NF1: variants seen among roughly 807,000 people sequenced by gnomAD.
NF1 encodes neurofibromin.
In NF1, 122 loss-of-function variants were observed where a neutral mutation model predicts 325.7. The ratio of observed to expected loss-of-function variants is 0.37; its 90% CI spans 0.32 to 0.44. NF1 has a LOEUF of 0.44. NF1 is among the 20% of genes least tolerant of loss of function. NF1 has a pLI of 1.00. For missense variants in NF1, 2,140 were observed against 3,415.4 expected, an observed-to-expected ratio of 0.63 and a Z score of 9.31; for synonymous variants, 1,091 against 1,186.0, an observed-to-expected ratio of 0.92 and a Z score of 1.65.
intron 29 of NF1, among the ~76,000 whole-genome samples, chr17:31,239,732 A>G (rs1008042139): frequency 6.6e-6 from 1 of 152,128 alleles, no homozygotes; most frequent in African/African-American, 2.4e-5. Flanking sequence ...TTCAGGGTAA[A>G]TGGGGTGTCC....
At chr17:31,257,798 T>G (rs1378176895) in intron 31 of NF1, 1 of 152,256 alleles carries the variant, frequency 6.6e-6, no homozygotes, top group East Asian at 1.9e-4. Flanking sequence ...AAGTAAGTTT[T>G]TTTTTTTCTC....
chr17:31,258,116 T>C (rs941696780), intron 31 of NF1, among the ~76,000 whole-genome samples: 17 of 152,192 alleles, frequency 1.1e-4, no homozygotes. Context: ...CCATGAGGTT[T>C]TTCTTTCCTC....
At chr17:31,304,806 T>A in intron 36 of NF1, 1 of 1,614,002 alleles carries the variant, frequency 6.2e-7, no homozygotes. Flanking sequence ...GTGAAATGAT[T>A]GATGTACGTT....
rs1045422208 is a variant in NF1, at chr17:31,373,972, A to C, written c.8378-41A>C. On this transcript the variant is annotated intron_variant, in intron 57 of 57. Transcript: ENST00000358273. ...TGACTGCAATGAAATTCAGTCCTGG[A>C]AGGAAAAGAAGAAGTAACTGGCTGT... 3.1e-6 allele frequency: 5 copies of C among 1,613,458 alleles called. No individual in the cohort carries two copies. In the African/African-American group the frequency reaches 5.3e-5, roughly 17 times the overall value.
At chr17:31,128,839 G>A (rs1448289686) in intron 1 of NF1, among the ~76,000 whole-genome samples, 1 of 151,660 alleles carries the variant, frequency 6.6e-6, no homozygotes, top group South Asian at 2.1e-4. Flanking sequence ...GGAGAATGGC[G>A]TAAGTAAACC....
chr17:31,160,538 G>C (rs1355605136), intron 3 of NF1, among the ~76,000 whole-genome samples: 1 of 152,192 alleles, frequency 6.6e-6, no homozygotes, highest in Non-Finnish European at 1.5e-5. Context: ...TATTGTTCAT[G>C]TGTAAAATGG....
At chr17:31,244,968 T>C (rs1287506906) in intron 29 of NF1, among the ~76,000 whole-genome samples, 1 of 152,222 alleles carries the variant, frequency 6.6e-6, no homozygotes, top group Non-Finnish European at 1.5e-5. Context: ...ACTTGAATAA[T>C]TGAACACAAA....
chr17:31,320,467 G>A lies in NF1; in HGVS notation c.4836-5353G>A, dbSNP rs753189630. On this transcript the variant is annotated intron_variant, in intron 36 of 57. Transcript: ENST00000358273. ...GCTAGTCAGGCTTTTGAACATCAAG[G>A]TTTTATAAGAAATGGTTGTTATATG... The A allele has an allele frequency of 2.9e-5, 46 of 1,585,948 alleles. No individual in the cohort carries two copies. The East Asian group carries it at 6.9e-4, about 24-fold the overall frequency.
intron 1 of NF1, among the ~76,000 whole-genome samples, chr17:31,145,256 G>A (rs1297926397): frequency 1.3e-5 from 2 of 152,240 alleles, no homozygotes; most frequent in African/African-American, 2.4e-5. Flanking sequence ...GCAGTGGCAC[G>A]ATCTGGGCTC....
rs1597722945 is a variant in NF1, at chr17:31,235,947, C to G, written c.3900C>G (p.Leu1300=). 1 of 1,614,026 alleles carries G rather than the reference C, an allele frequency of 6.2e-7. No individual in the cohort carries two copies. The highest frequency in any genetic ancestry group is 1.6e-4 in the Middle Eastern group (1 of 6,062). The change falls in exon 29 of 58, where the codon CTC becomes CTG. Residue 1300 remains leucine (L), a synonymous_variant. Transcript: ENST00000358273. ...KVYGATYLQK[L]LDPLLRIVIT... is the part of the protein sequence containing the mutation. ...ATGGTGCTACCTATCTACAAAAACT[C>G]CTGGATCCTTTATTACGAATTGTGA...
intron 1 of NF1, among the ~76,000 whole-genome samples, chr17:31,101,249 C>T (rs558639580): frequency 6.6e-6 from 1 of 152,084 alleles, no homozygotes; most frequent in African/African-American, 2.4e-5. Flanking sequence ...CCACTCCCCC[C>T]GGAAACCAAT....
chr17:31,145,202 A>AT (rs1402457689), intron 1 of NF1, among the ~76,000 whole-genome samples: 1 of 152,088 alleles, frequency 6.6e-6, no homozygotes, highest in African/African-American at 2.4e-5. Flanking sequence ...TCATTCATTC[A>AT]TTCATTTTGA....
At position 31,363,436 on chromosome 17, in the gene NF1, C is replaced by CTT. The variant is rs5819928; in HGVS notation, c.8377+2751_8377+2752dup. Among the ~76,000 whole-genome samples the CTT allele has an allele frequency of 2.0e-3, 223 of 112,438 alleles. 2 individuals carry two copies. Among genetic ancestry groups the CTT allele is most frequent in the African/African-American group, 5.1e-3 (162 of 31,978 alleles). 73.8% of individuals were successfully genotyped at this position (112,438 alleles called of 152,430 possible). A position where few individuals can be genotyped will look rare whatever the true frequency, so the allele number is the denominator to read the frequency against. ...TGTAATCTTATATCCTTATCTCTCT[C>CTT]TTTTTTTTTTTTTTTTTTTGAGACA... On this transcript the variant is annotated intron_variant, in intron 57 of 57. Transcript: ENST00000358273.
chr17:31,175,024 G>A (rs1327294141), intron 5 of NF1, among the ~76,000 whole-genome samples: 3 of 140,580 alleles, frequency 2.1e-5, no homozygotes, highest in Admixed American at 8.0e-5. Flanking sequence ...CAGGAGAATC[G>A]CTTGAACCTG....
intron 5 of NF1, among the ~76,000 whole-genome samples, chr17:31,180,312 A>T (rs2066104493): frequency 2.0e-5 from 3 of 152,252 alleles, no homozygotes; most frequent in Admixed American, 6.5e-5. Context: ...TTAGGCTGAT[A>T]TCCCTGATGA....
At chr17:31,223,276 G>T (rs2066958490) in intron 15 of NF1, among the ~76,000 whole-genome samples, 168 bp from the exon 16 acceptor site, 6 of 152,026 alleles carry the variant, frequency 3.9e-5, no homozygotes, top group Admixed American at 3.9e-4. Context: ...TATTTCCTTT[G>T]ATTATAATGC....
At chr17:31,170,942 T>C (rs1287571349) in intron 5 of NF1, among the ~76,000 whole-genome samples, 1 of 152,196 alleles carries the variant, frequency 6.6e-6, no homozygotes, top group Non-Finnish European at 1.5e-5. Flanking sequence ...TAAGGAATTG[T>C]CAAACAATAA....
At chr17:31,175,495 G>C (rs1050531263) in intron 5 of NF1, among the ~76,000 whole-genome samples, 1 of 151,940 alleles carries the variant, frequency 6.6e-6, no homozygotes, top group Non-Finnish European at 1.5e-5. Flanking sequence ...GATTATAGGC[G>C]TGAGCCATCG....
intron 12 of NF1, among the ~76,000 whole-genome samples, chr17:31,211,562 A>G (rs1567840617): frequency 6.6e-6 from 1 of 152,222 alleles, no homozygotes; most frequent in Non-Finnish European, 1.5e-5. Context: ...GTCTGCTTAC[A>G]TGAACCTAGA....
Sources: allele counts gnomAD v4.1 joint callset (sites outside exome capture counted in the v4.1 genomes callset), GRCh38; gene constraint gnomAD v4.1.1; transcripts MANE v1.5; gene names NCBI Gene and HGNC (gene_info 2026-07-23, HGNC 2026-07-21).